GALNTL5: variants seen among roughly 807,000 people sequenced by gnomAD.
GALNTL5 encodes the protein polypeptide N-acetylgalactosaminyltransferase like 5, also known as inactive polypeptide N-acetylgalactosaminyltransferase-like protein 5.
In GALNTL5, 44 loss-of-function variants were observed where a neutral mutation model predicts 51.0. The observed-to-expected ratio is 0.86, with a 90% confidence interval of 0.68 to 1.11. The LOEUF is 1.11. GALNTL5 is among the 50% of genes least tolerant of loss of function. The pLI is 0.00. For synonymous variants in GALNTL5, 192 were observed against 182.8 expected (o/e 1.05, Z -0.41); for missense variants, 528 against 531.8 (o/e 0.99, Z 0.07).
chr7:151,959,397 C>T (rs2080965140), intron 1 of GALNTL5, among the ~76,000 whole-genome samples: 1 of 152,104 alleles, frequency 6.6e-6, no homozygotes, highest in Non-Finnish European at 1.5e-5. Flanking sequence ...TCGCCATTTT[C>T]CCTAGTTAGA....
intron 5 of GALNTL5, among the ~76,000 whole-genome samples, chr7:151,999,367 T>C (rs2081542440): frequency 6.6e-6 from 1 of 152,256 alleles, no homozygotes; most frequent in Non-Finnish European, 1.5e-5. Context: ...CTTTTGGGCA[T>C]GTTCCTAGGA....
rs144751086 is a variant in GALNTL5 at position 151,966,884 on chromosome 7, A to G, written c.-39-324A>G. Among the ~76,000 whole-genome samples, 530 of 152,306 alleles carry G rather than the reference A, an allele frequency of 3.5e-3. 4 individuals carry two copies. Among genetic ancestry groups the G allele is most frequent in the Admixed American group, 7.0e-3 (107 of 15,296 alleles). ...ATCAGATTTTTTAGAGATCCATACT[A>G]TCACTCCAAGGTAGACTGGATCTGG... On this transcript the variant is annotated intron_variant, in intron 1 of 8. Coordinates refer to ENST00000392800, the MANE Select transcript of GALNTL5 (RefSeq NM_145292.4).
chr7:151,968,448 C>T (rs1221475721), intron 2 of GALNTL5, among the ~76,000 whole-genome samples: 2 of 152,252 alleles, frequency 1.3e-5, no homozygotes, highest in African/African-American at 4.8e-5. Context: ...GGCCCTCCCA[C>T]TAGATGACTA....
At chr7:152,008,278 G>T (rs921072917) in intron 7 of GALNTL5, among the ~76,000 whole-genome samples, 3 of 122,794 alleles carry the variant, frequency 2.4e-5, no homozygotes, top group Admixed American at 8.6e-5. Context: ...ATGTGGTCTC[G>T]CTATGTTGCC....
At chr7:152,016,780 A>C (rs760856487) in intron 8 of GALNTL5, among the ~76,000 whole-genome samples, 1 of 152,154 alleles carries the variant, frequency 6.6e-6, no homozygotes, top group South Asian at 2.1e-4. Flanking sequence ...CACACTTGTA[A>C]TTTCAGCACT....
intron 1 of GALNTL5, among the ~76,000 whole-genome samples, chr7:151,966,186 T>C (rs1586805754): frequency 1.3e-5 from 2 of 152,174 alleles, no homozygotes; most frequent in Non-Finnish European, 2.9e-5. Context: ...ATTTCCATCA[T>C]TGAAAGAGTA....
chr7:151,999,318 A>G (rs1170440736), intron 5 of GALNTL5, among the ~76,000 whole-genome samples: 1 of 152,130 alleles, frequency 6.6e-6, no homozygotes, highest in Non-Finnish European at 1.5e-5. Context: ...TGTCAACAGT[A>G]CTGCTGTGAC....
intron 7 of GALNTL5, among the ~76,000 whole-genome samples, chr7:152,012,189 C>T (rs929367570): frequency 6.6e-6 from 1 of 152,176 alleles, no homozygotes; most frequent in Non-Finnish European, 1.5e-5. Context: ...CAGAGAAGCC[C>T]AAATTCAGTG....
intron 1 of GALNTL5, among the ~76,000 whole-genome samples, chr7:151,959,796 T>C (rs2080970138): frequency 6.6e-6 from 1 of 152,074 alleles, no homozygotes; most frequent in African/African-American, 2.4e-5. Context: ...GGGGGGAAGG[T>C]CCTGAGGCAG....
intron 1 of GALNTL5, among the ~76,000 whole-genome samples, chr7:151,966,734 G>A (rs1328579148): frequency 3.9e-5 from 6 of 152,198 alleles, no homozygotes; most frequent in Non-Finnish European, 5.9e-5. Context: ...AACATGACTA[G>A]ATATTGCCAA....
At chr7:151,963,488 C>T (rs1406463711) in intron 1 of GALNTL5, among the ~76,000 whole-genome samples, 1 of 152,210 alleles carries the variant, frequency 6.6e-6, no homozygotes, top group Non-Finnish European at 1.5e-5. Flanking sequence ...ATCTCGGCCT[C>T]CCGGGTTCAA....
At chr7:151,972,658 G>A (rs2081159688) in intron 3 of GALNTL5, among the ~76,000 whole-genome samples, 1 of 152,198 alleles carries the variant, frequency 6.6e-6, no homozygotes, top group Non-Finnish European at 1.5e-5. Context: ...AGGGACCAAA[G>A]TACAACTAAG....
intron 4 of GALNTL5, among the ~76,000 whole-genome samples, chr7:151,986,499 G>T (rs1024336023): frequency 1.9e-4 from 29 of 152,012 alleles, no homozygotes; most frequent in Non-Finnish European, 3.2e-4. Context: ...GCCAGGTGTT[G>T]TGGTGCATAC....
At chr7:152,015,184 T>A (rs1007948973) in intron 8 of GALNTL5, among the ~76,000 whole-genome samples, 112 of 152,276 alleles carry the variant, frequency 7.4e-4, no homozygotes, top group African/African-American at 2.6e-3. Context: ...TACTCTTACA[T>A]CTCATTATTT....
At chr7:151,969,730 C>T (rs930439732) in intron 2 of GALNTL5, among the ~76,000 whole-genome samples, 1 of 152,166 alleles carries the variant, frequency 6.6e-6, no homozygotes, top group African/African-American at 2.4e-5. Context: ...TGATTTATGG[C>T]CCTAGTGGCT....
intron 1 of GALNTL5, among the ~76,000 whole-genome samples, chr7:151,961,948 A>C (rs2080996374): frequency 6.7e-6 from 1 of 149,964 alleles, no homozygotes; most frequent in Admixed American, 6.7e-5. Context: ...CCCCAGTTCA[A>C]CTCCCTCTTA....
chr7:152,012,735 G>A (rs1192558187), intron 7 of GALNTL5, among the ~76,000 whole-genome samples: 1 of 152,184 alleles, frequency 6.6e-6, no homozygotes, highest in Non-Finnish European at 1.5e-5. Flanking sequence ...GGGAGGCCAA[G>A]GTGGGCAGAT....
At position 151,981,588 on chromosome 7, in the gene GALNTL5, TC is replaced by T. The variant is rs1429734431; in HGVS notation, c.369-1395del. Among the ~76,000 whole-genome samples, 177 of 27,750 alleles carry T rather than the reference TC, an allele frequency of 6.4e-3. 6 individuals are homozygous for T. The highest frequency in any genetic ancestry group is 0.024 in the African/African-American group (164 of 6,758). 18.2% of individuals were successfully genotyped at this position (27,750 alleles called of 152,430 possible). A position where few individuals can be genotyped will look rare whatever the true frequency, so the allele number is the denominator to read the frequency against. ...TTCCTTCCTTCCTTCCTTCCTTCCT[TC>T]CCTCCTTCCTTCCTTCCCTCCTTCC... On this transcript the variant is annotated intron_variant, in intron 3 of 8. Coordinates refer to ENST00000392800, the MANE Select transcript of GALNTL5 (RefSeq NM_145292.4).
chr7:151,988,369 C>T (rs1265219416), intron 5 of GALNTL5, among the ~76,000 whole-genome samples: 5 of 152,172 alleles, frequency 3.3e-5, no homozygotes, highest in South Asian at 4.1e-4. Context: ...GTTGGCAGAA[C>T]GCTGAGCTGG....
Sources: allele counts gnomAD v4.1 joint callset (sites outside exome capture counted in the v4.1 genomes callset), GRCh38; gene constraint gnomAD v4.1.1; transcripts MANE v1.5; gene names NCBI Gene and HGNC (gene_info 2026-07-23, HGNC 2026-07-21).